Variants in UNC13C observed in about 807,000 individuals in gnomAD.
UNC13C encodes the protein protein unc-13 homolog C.
A neutral mutation model predicts 245.4 loss-of-function variants in UNC13C; 174 were observed. The observed-to-expected ratio is 0.71, with a 90% confidence interval of 0.63 to 0.80. The LOEUF (loss-of-function observed/expected upper bound fraction) is 0.80, where lower values mean the gene tolerates loss of function less well. Among genes scored for constraint, UNC13C ranks in the 30% least tolerant of loss-of-function variants. The pLI is 0.00. For synonymous variants in UNC13C, 992 were observed against 895.1 expected, an observed-to-expected ratio of 1.11 and a Z score of -1.93; for missense variants, 2,829 against 2,602.9, an observed-to-expected ratio of 1.09 and a Z score of -1.89.
chr15:54,302,983 T>C (rs2037627223), intron 13 of UNC13C, among the ~76,000 whole-genome samples: 1 of 152,146 alleles, frequency 6.6e-6, no homozygotes, highest in African/African-American at 2.4e-5. Context: ...TGCATGCTTT[T>C]TCAGTACATA....
the UNC13C span, among the ~76,000 whole-genome samples, chr15:53,857,952 C>A: frequency 1.3e-5 from 2 of 152,162 alleles, no homozygotes; most frequent in Non-Finnish European, 2.9e-5. Context: ...GAATTTATTT[C>A]ATTCCCTAAG....
the UNC13C span, among the ~76,000 whole-genome samples, chr15:53,906,987 C>G: frequency 6.6e-6 from 1 of 152,044 alleles, no homozygotes; most frequent in African/African-American, 2.4e-5. Context: ...CCAACCACCC[C>G]CCTCTCTCGA....
At chr15:54,295,256 A>T (rs2037398884) in intron 11 of UNC13C, among the ~76,000 whole-genome samples, 1 of 152,214 alleles carries the variant, frequency 6.6e-6, no homozygotes, top group Non-Finnish European at 1.5e-5. Context: ...GTTTATCTTT[A>T]TATGGACTTC....
At chr15:54,007,948 C>T (rs1393530016) in intron 1 of UNC13C, among the ~76,000 whole-genome samples, 4 of 152,126 alleles carry the variant, frequency 2.6e-5, no homozygotes, top group Non-Finnish European at 4.4e-5. Context: ...TGAAAGTTAA[C>T]CTCTAAATAT....
chr15:54,140,635 G>C (rs545049272), intron 2 of UNC13C, among the ~76,000 whole-genome samples: 1 of 152,212 alleles, frequency 6.6e-6, no homozygotes, highest in African/African-American at 2.4e-5. Flanking sequence ...ATGGAGAACA[G>C]TTGTTTCACA....
chr15:54,392,553 G>C (rs943591735), intron 17 of UNC13C, among the ~76,000 whole-genome samples: 1 of 151,940 alleles, frequency 6.6e-6, no homozygotes, highest in African/African-American at 2.4e-5. Flanking sequence ...TAACAGTACT[G>C]ACAGGCAGCT....
chr15:53,956,583 GCT>G, the UNC13C span, among the ~76,000 whole-genome samples: 1 of 149,476 alleles, frequency 6.7e-6, no homozygotes, highest in Non-Finnish European at 1.5e-5. Context: ...TAGAACAGAA[GCT>G]TCATAAGTTA....
At chr15:54,554,796 A>G (rs2141196148) in intron 28 of UNC13C, among the ~76,000 whole-genome samples, 1 of 152,078 alleles carries the variant, frequency 6.6e-6, no homozygotes, top group Admixed American at 6.6e-5. Flanking sequence ...ATTTCCCTAA[A>G]TAAGCTTTGT....
chr15:54,516,323 C>CA (rs1167860579), intron 24 of UNC13C, among the ~76,000 whole-genome samples: 8 of 152,180 alleles, frequency 5.3e-5, no homozygotes, highest in African/African-American at 1.7e-4. Context: ...TCTTGAACTT[C>CA]AGCACGCATC....
intron 19 of UNC13C, among the ~76,000 whole-genome samples, chr15:54,465,474 A>G (rs112984398): frequency 1.3e-4 from 20 of 152,170 alleles, no homozygotes; most frequent in African/African-American, 4.8e-4. Flanking sequence ...AGAAAATGAA[A>G]GGAGCCATTA....
intron 30 of UNC13C, among the ~76,000 whole-genome samples, chr15:54,584,006 T>C (rs1334536884): frequency 6.6e-6 from 1 of 152,210 alleles, no homozygotes; most frequent in Non-Finnish European, 1.5e-5. Context: ...CTCGGGCTCC[T>C]GCCGCTCTCT....
At chr15:53,854,542 T>G in the UNC13C span, among the ~76,000 whole-genome samples, 2 of 152,240 alleles carry the variant, frequency 1.3e-5, no homozygotes, top group Non-Finnish European at 2.9e-5. Context: ...CACCATATAT[T>G]AAATAGAGAA....
intron 10 of UNC13C, among the ~76,000 whole-genome samples, chr15:54,272,301 G>A (rs1006807861): frequency 2.0e-5 from 3 of 152,112 alleles, no homozygotes; most frequent in South Asian, 2.1e-4. Flanking sequence ...CTGCTCAGCC[G>A]GGGCTGAGTA....
At chr15:53,918,218 A>ACGCAAATC in the UNC13C span, among the ~76,000 whole-genome samples, 1 of 152,224 alleles carries the variant, frequency 6.6e-6, no homozygotes, top group African/African-American at 2.4e-5. Context: ...AGCAACAGGG[A>ACGCAAATC]CGCAAATCCG....
chr15:54,200,132 T>C (rs1595992355), intron 4 of UNC13C, among the ~76,000 whole-genome samples: 1 of 151,966 alleles, frequency 6.6e-6, no homozygotes, highest in Admixed American at 6.6e-5. Flanking sequence ...CAGGAAAATA[T>C]CACAATTGTG....
At chr15:54,494,856 A>G in intron 20 of UNC13C, 122 bp downstream of exon 20, 1 of 1,202,026 alleles carries the variant, frequency 8.3e-7, no homozygotes, top group Non-Finnish European at 1.2e-6. Context: ...AGAAATTTCC[A>G]TTATGAAGTT....
At chr15:54,310,740 A>ATATATCTATATCTATATC (rs57312410) in intron 13 of UNC13C, among the ~76,000 whole-genome samples, 111 of 117,510 alleles carry the variant, frequency 9.4e-4, no homozygotes, top group African/African-American at 2.6e-3. Context: ...GCCTCATTTT[A>ATATATCTATATCTATATC]TATATCTATA....
intron 13 of UNC13C, among the ~76,000 whole-genome samples, chr15:54,309,685 T>C (rs997380754): frequency 1.3e-5 from 2 of 151,824 alleles, no homozygotes; most frequent in African/African-American, 4.8e-5. Context: ...TTTTATATGG[T>C]GTGGGATAAG....
At chr15:54,274,216 T>C (rs1354833457) in intron 10 of UNC13C, among the ~76,000 whole-genome samples, 1 of 152,064 alleles carries the variant, frequency 6.6e-6, no homozygotes, top group Non-Finnish European at 1.5e-5. Flanking sequence ...GATATTTGAC[T>C]CCAAATAAAA....
Sources: gnomAD v4.1 joint callset for allele counts (sites outside exome capture counted in the v4.1 genomes callset) on GRCh38, gnomAD v4.1.1 for gene constraint, MANE v1.5 for transcripts, NCBI Gene and HGNC (gene_info 2026-07-23, HGNC 2026-07-21) for gene names.